The following HHAT variants were observed in gnomAD, a reference collection of about 807,000 sequenced individuals.
HHAT encodes the protein protein-cysteine N-palmitoyltransferase HHAT.
Under a neutral mutation model 70.8 loss-of-function variants are expected in HHAT, and 47 were observed. The ratio of observed to expected loss-of-function variants is 0.66; its 90% CI spans 0.53 to 0.85. The LOEUF (loss-of-function observed/expected upper bound fraction) is 0.85, where lower values mean the gene tolerates loss of function less well. HHAT is among the 40% of genes least tolerant of loss of function. HHAT has a pLI of 0.00. For missense variants in HHAT, 609 were observed against 604.8 expected, an observed-to-expected ratio of 1.01 and a Z score of -0.07; for synonymous variants, 228 against 247.6, an observed-to-expected ratio of 0.92 and a Z score of 0.74.
intron 9 of HHAT, among the ~76,000 whole-genome samples, chr1:210,555,945 G>A (rs2095568203): frequency 6.6e-6 from 1 of 152,138 alleles, no homozygotes; most frequent in East Asian, 1.9e-4. Context: ...TATTAATGTC[G>A]ATGTTTGGAG....
chr1:210,541,705 T>C, intron 9 of HHAT, among the ~76,000 whole-genome samples: 1 of 152,162 alleles, frequency 6.6e-6, no homozygotes, highest in Non-Finnish European at 1.5e-5. Context: ...ACAGCCTGGG[T>C]GACAGAGTGA....
At chr1:210,659,170 A>G (rs905906174) in intron 11 of HHAT, among the ~76,000 whole-genome samples, 2 of 152,242 alleles carry the variant, frequency 1.3e-5, no homozygotes, top group African/African-American at 2.4e-5. Flanking sequence ...GAAAAGATCA[A>G]CAAAATTGAT....
At chr1:210,444,989 A>G (rs1306797478) in intron 7 of HHAT, among the ~76,000 whole-genome samples, 1 of 152,054 alleles carries the variant, frequency 6.6e-6, no homozygotes, top group Non-Finnish European at 1.5e-5. Context: ...ACAGGTATGC[A>G]CCATCACACC....
At chr1:210,668,660 G>A (rs1350456545) in intron 11 of HHAT, among the ~76,000 whole-genome samples, 1 of 152,218 alleles carries the variant, frequency 6.6e-6, no homozygotes, top group Non-Finnish European at 1.5e-5. Flanking sequence ...TATTAGCAGT[G>A]TGAGAATGGA....
At chr1:210,508,565 C>T (rs183849880) in intron 8 of HHAT, among the ~76,000 whole-genome samples, 143 of 152,218 alleles carry the variant, frequency 9.4e-4, no homozygotes, top group Non-Finnish European at 1.8e-3. Context: ...AAACCTTTAG[C>T]GTCGTATCAA....
intron 9 of HHAT, among the ~76,000 whole-genome samples, chr1:210,524,795 G>A (rs1399949165): frequency 2.0e-5 from 3 of 152,056 alleles, no homozygotes; most frequent in East Asian, 1.9e-4. Context: ...CCTGCTACTC[G>A]GGGGTTTCTC....
chr1:210,667,616 C>T (rs1456115254), intron 11 of HHAT, among the ~76,000 whole-genome samples: 3 of 152,078 alleles, frequency 2.0e-5, no homozygotes, highest in Non-Finnish European at 4.4e-5. Context: ...CAGTTTTATA[C>T]ACCCTTGAAA....
At chr1:210,572,048 T>C (rs1656415258) in intron 9 of HHAT, among the ~76,000 whole-genome samples, 1 of 152,216 alleles carries the variant, frequency 6.6e-6, no homozygotes, top group Non-Finnish European at 1.5e-5. Context: ...CGTGGGATGA[T>C]GGTCTTGCTT....
intron 9 of HHAT, among the ~76,000 whole-genome samples, chr1:210,533,533 A>G (rs2095337313): frequency 6.6e-6 from 1 of 152,128 alleles, no homozygotes. Flanking sequence ...TATGTTTGTA[A>G]TCACCTCTGA....
At chr1:210,442,509 G>C (rs1298104878) in intron 7 of HHAT, among the ~76,000 whole-genome samples, 9 of 150,538 alleles carry the variant, frequency 6.0e-5, no homozygotes, top group South Asian at 4.3e-4. Context: ...CTGTCCAGCA[G>C]CTGTTGTTTC....
intron 8 of HHAT, among the ~76,000 whole-genome samples, chr1:210,481,813 G>C (rs537120306): frequency 6.6e-6 from 1 of 152,344 alleles, no homozygotes; most frequent in East Asian, 1.9e-4. Context: ...TGAATGATCA[G>C]CATAGGCTTC....
chr1:210,561,874 A>G (rs2095626145), intron 9 of HHAT, among the ~76,000 whole-genome samples: 1 of 152,128 alleles, frequency 6.6e-6, no homozygotes, highest in Non-Finnish European at 1.5e-5. Context: ...GAAGGTGGGG[A>G]CTGTGTCTCT....
chr1:210,417,232 C>CTTTTG (rs557001055), intron 6 of HHAT, among the ~76,000 whole-genome samples: 3 of 152,046 alleles, frequency 2.0e-5, no homozygotes, highest in Admixed American at 6.6e-5. Context: ...ACTTATTTTA[C>CTTTTG]TTTTGTTTTG....
chr1:210,353,236 CCT>C (rs375233435), intron 2 of HHAT, among the ~76,000 whole-genome samples: 161 of 152,096 alleles, frequency 1.1e-3, no homozygotes, highest in African/African-American at 3.7e-3. Context: ...ACGCCCGGCC[CCT>C]CTCTGTTTAC....
intron 11 of HHAT, among the ~76,000 whole-genome samples, chr1:210,645,257 T>C (rs982645785): frequency 1.3e-5 from 2 of 152,142 alleles, no homozygotes; most frequent in Non-Finnish European, 2.9e-5. Flanking sequence ...TGCTGTACTT[T>C]TTATGAAATC....
chr1:210,673,799 T>G (rs1219231042), intron 11 of HHAT, among the ~76,000 whole-genome samples: 1 of 127,948 alleles, frequency 7.8e-6, no homozygotes, highest in Non-Finnish European at 1.5e-5. Context: ...ATTTATTTAT[T>G]TATTTATTTA....
chr1:210,400,896 C>T (rs568331806), intron 5 of HHAT, among the ~76,000 whole-genome samples: 1 of 152,294 alleles, frequency 6.6e-6, no homozygotes, highest in Middle Eastern at 3.4e-3. Flanking sequence ...CCTGTACCAT[C>T]TCTCCCAGTT....
chr1:210,354,940 T>C (rs1007089316), intron 2 of HHAT, among the ~76,000 whole-genome samples: 4 of 152,200 alleles, frequency 2.6e-5, no homozygotes, highest in African/African-American at 9.6e-5. Flanking sequence ...GATATTTTTA[T>C]AATGTGTCTT....
At chr1:210,647,619 C>T (rs143383211) in intron 11 of HHAT, among the ~76,000 whole-genome samples, 2,807 of 152,240 alleles carry the variant, frequency 0.018, 47 homozygotes, top group Middle Eastern at 0.031. Flanking sequence ...ACCCCTTATC[C>T]TGATATCTCT....
Sources: allele counts gnomAD v4.1 joint callset (sites outside exome capture counted in the v4.1 genomes callset), GRCh38; gene constraint gnomAD v4.1.1; transcripts MANE v1.5; gene names NCBI Gene and HGNC (gene_info 2026-07-23, HGNC 2026-07-21).